CATSPERD: variants seen among roughly 807,000 people sequenced by gnomAD.
CATSPERD encodes cation channel sperm-associated auxiliary subunit delta.
In CATSPERD, 86 loss-of-function variants were observed where a neutral mutation model predicts 98.1. That is an observed-to-expected ratio of 0.88 (90% CI 0.74 to 1.05). The LOEUF (loss-of-function observed/expected upper bound fraction) is 1.05, where lower values mean the gene tolerates loss of function less well. CATSPERD is among the 50% of genes least tolerant of loss of function. The pLI is 0.00. For missense variants in CATSPERD, 995 were observed against 1,005.7 expected (o/e 0.99, Z 0.14); for synonymous variants, 394 against 390.2 (o/e 1.01, Z -0.12).
At chr19:5,768,587 C>T (rs944787741) in intron 18 of CATSPERD, among the ~76,000 whole-genome samples, 3 of 151,916 alleles carry the variant, frequency 2.0e-5, no homozygotes, top group Non-Finnish European at 4.4e-5. Context: ...CCGCCCACCT[C>T]AGCCTCCCAA....
At chr19:5,755,513 T>C (rs2145800089) in intron 13 of CATSPERD, among the ~76,000 whole-genome samples, 1 of 152,262 alleles carries the variant, frequency 6.6e-6, no homozygotes, top group Admixed American at 6.6e-5. Flanking sequence ...CTCCCGCCCG[T>C]AATTTCAGTA....
In CATSPERD at chr19:5,745,976, G is replaced by T. The variant is rs1312779658; in HGVS notation, c.721G>T (p.Gly241Trp). 2 of 1,614,086 alleles carry T rather than the reference G, an allele frequency of 1.2e-6. No individual in the cohort carries two copies. The highest frequency in any genetic ancestry group is 1.7e-5 in the Admixed American group (1 of 60,000). ...RSFGLSFDYN[G>W]TLDILIAPGQ... ...TTTCGGGCTGTCTTTTGACTATAAT[G>T]GGACTCTAGACATCCTCATCGCCCC... is the stretch of plus-strand genomic sequence containing the variant. The change falls in exon 9 of 22, where the codon GGG becomes TGG. Residue 241 changes from glycine (G) to tryptophan (W), a missense_variant. Around this residue, in one of 3 missense-constraint regions of CATSPERD, gnomAD observed 762 missense variants for 773.7 expected, o/e 0.98. Transcript: ENST00000381624.
intron 15 of CATSPERD, among the ~76,000 whole-genome samples, chr19:5,762,630 T>C (rs1291657925): frequency 6.7e-6 from 1 of 150,068 alleles, no homozygotes; most frequent in Non-Finnish European, 1.5e-5. Flanking sequence ...GATGGATGGA[T>C]GGATGGATGG....
Position 5,776,142 on chromosome 19 carries a change from A to G in CATSPERD, c.1942-19A>G, listed in dbSNP as rs375096087. ...TCCCCAGTCCCTAGGGCCAGTGGGC[A>G]TGTCTCTGTCCCCCACAGAACTATG... On this transcript the variant is annotated intron_variant, in intron 20 of 21. Coordinates refer to ENST00000381624, the MANE Select transcript of CATSPERD (RefSeq NM_152784.4). The G allele has an allele frequency of 4.0e-5, 65 of 1,612,424 alleles. No homozygotes were observed. In the African/African-American group the frequency reaches 7.6e-4, roughly 19 times the overall value.
chr19:5,722,234 G>C (rs1256745890), intron 1 of CATSPERD, among the ~76,000 whole-genome samples: 1 of 152,048 alleles, frequency 6.6e-6, no homozygotes, highest in Non-Finnish European at 1.5e-5. Context: ...CAATTCTCCT[G>C]CCTCAGCCTC....
intron 21 of CATSPERD, among the ~76,000 whole-genome samples, chr19:5,776,799 G>C (rs924640345): frequency 6.6e-6 from 1 of 151,870 alleles, no homozygotes; most frequent in African/African-American, 2.4e-5. Flanking sequence ...GCTTGAACCC[G>C]GGAGGCAGAG....
chr19:5,751,877 T>G, intron 12 of CATSPERD, 54 bp downstream of exon 12: 4 of 1,516,822 alleles, frequency 2.6e-6, no homozygotes, highest in Non-Finnish European at 3.6e-6. Flanking sequence ...TAAAGACAAA[T>G]TCAACCTGGG....
At chr19:5,743,905 C>T (rs1309645786) in intron 7 of CATSPERD, among the ~76,000 whole-genome samples, 1 of 152,194 alleles carries the variant, frequency 6.6e-6, no homozygotes, top group Non-Finnish European at 1.5e-5. Flanking sequence ...TTCTAGCAGT[C>T]TGGGTCATAT....
At chr19:5,747,169 C>CT (rs748726369) in intron 9 of CATSPERD, among the ~76,000 whole-genome samples, 4,410 of 105,744 alleles carry the variant, frequency 0.042, 219 homozygotes, top group African/African-American at 0.13. Context: ...AATGGTTTCC[C>CT]TTTTTTTTTT....
intron 15 of CATSPERD, among the ~76,000 whole-genome samples, chr19:5,761,416 AATGGATGGATGG>A (rs550185518): frequency 2.0e-4 from 4 of 19,818 alleles, no homozygotes; most frequent in Admixed American, 1.1e-3. Flanking sequence ...TTCAGAAATT[AATGGATGGATGG>A]ATGGATGGAT....
chr19:5,741,793 G>GGC (rs1555720223), intron 7 of CATSPERD, among the ~76,000 whole-genome samples: 1 of 96,054 alleles, frequency 1.0e-5, no homozygotes, highest in Admixed American at 9.8e-5. Context: ...GGCGGGGGGG[G>GGC]GGGGGTGGTG....
Position 5,768,161 on chromosome 19 carries a change from C to T in CATSPERD, c.1560-7C>T, listed in dbSNP as rs754763608. On this transcript the variant is annotated splice_region_variant and splice_polypyrimidine_tract_variant and intron_variant, in intron 17 of 21. Coordinates refer to ENST00000381624, the MANE Select transcript of CATSPERD (RefSeq NM_152784.4). ...TGCCATTGCTCAATGTCCACTTTTG[C>T]TTGCAGCAAAGTTTCCGCCTGTTCC... The T allele has an allele frequency of 6.2e-7, 1 of 1,612,574 alleles. No individual in the cohort carries two copies. Among genetic ancestry groups the T allele is most frequent in the Admixed American group, 1.7e-5 (1 of 59,950 alleles).
intron 11 of CATSPERD, among the ~76,000 whole-genome samples, chr19:5,751,385 T>C (rs1444688966): frequency 2.7e-5 from 4 of 146,418 alleles, no homozygotes; most frequent in Non-Finnish European, 6.0e-5. Flanking sequence ...AAAAAAAAAT[T>C]AGCCGGGTGT....
At chr19:5,752,312 TAATAAATA>T (rs1008641302) in intron 12 of CATSPERD, among the ~76,000 whole-genome samples, 1 of 150,948 alleles carries the variant, frequency 6.6e-6, no homozygotes, top group Admixed American at 6.6e-5. Context: ...TCGTCTCAAA[TAATAAATA>T]AATAAATAAA....
chr19:5,730,116 A>G (rs1044246748), intron 4 of CATSPERD, among the ~76,000 whole-genome samples, 172 bp downstream of exon 4: 5 of 152,192 alleles, frequency 3.3e-5, no homozygotes, highest in Non-Finnish European at 5.9e-5. Context: ...GGCTGGTTTT[A>G]TTCTGCCCCT....
Position 5,749,126 on chromosome 19 carries a change from T to G in CATSPERD, c.930T>G (p.Thr310=), listed in dbSNP as rs2056154689. The G allele has an allele frequency of 1.9e-6, 3 of 1,612,488 alleles. No individual in the cohort carries two copies. The highest frequency in any genetic ancestry group is 2.7e-5 in the African/African-American group (2 of 74,936). Residue 310 remains threonine (T), a synonymous_variant, in exon 11 of 22, where the codon ACT becomes ACG. Coordinates refer to ENST00000381624, the MANE Select transcript of CATSPERD (RefSeq NM_152784.4). ...AVTENELAVI[T]REDNLYYGNL... ...CTGAAAATGAACTGGCAGTTATAACTCGGGAGGATAATTTGTATTATGGCA... is the reference window on the plus strand; with the variant it reads ...CTGAAAATGAACTGGCAGTTATAACGCGGGAGGATAATTTGTATTATGGCA...
chr19:5,746,699 C>T (rs1417157620), intron 9 of CATSPERD, among the ~76,000 whole-genome samples: 3 of 152,082 alleles, frequency 2.0e-5, no homozygotes, highest in Non-Finnish European at 2.9e-5. Flanking sequence ...TCCCAAAGTG[C>T]TGGGATTACA....
intron 2 of CATSPERD, among the ~76,000 whole-genome samples, chr19:5,726,430 G>A (rs2055605579): frequency 6.6e-6 from 1 of 151,982 alleles, no homozygotes. Context: ...TGCCCAGGAT[G>A]TAGTGCAGTG....
intron 15 of CATSPERD, among the ~76,000 whole-genome samples, chr19:5,760,241 A>T (rs563022032): frequency 1.1e-3 from 161 of 151,818 alleles, no homozygotes; most frequent in African/African-American, 3.6e-3. Context: ...TCTACTAAAA[A>T]TACAAAAATT....
Sources: allele counts gnomAD v4.1 joint callset (sites outside exome capture counted in the v4.1 genomes callset), GRCh38; gene constraint gnomAD v4.1.1; regional missense constraint gnomAD v4.1.1; transcripts MANE v1.5; gene names NCBI Gene and HGNC (gene_info 2026-07-23, HGNC 2026-07-21).